CDCP1: variants seen among roughly 807,000 people sequenced by gnomAD.
CDCP1 encodes the protein CUB domain-containing protein 1.
CDCP1 carries 29 observed loss-of-function variants against 60.2 expected under a neutral mutation model. That is an observed-to-expected ratio of 0.48 (90% CI 0.36 to 0.66). The LOEUF is 0.66. Ranked by LOEUF, CDCP1 falls within the 30% of genes least tolerant of loss-of-function variation. The pLI, the probability that CDCP1 is intolerant of heterozygous loss-of-function variation, is 0.00. For missense variants in CDCP1, 876 were observed against 1,074.3 expected, an observed-to-expected ratio of 0.82 and a Z score of 2.58; for synonymous variants, 387 against 431.1, an observed-to-expected ratio of 0.90 and a Z score of 1.27.
intron 4 of CDCP1, among the ~76,000 whole-genome samples, chr3:45,098,639 C>CA (rs1698440981): frequency 6.6e-6 from 1 of 151,376 alleles, no homozygotes; most frequent in South Asian, 2.1e-4. Flanking sequence ...AGCGAACACT[C>CA]ACACCACACA....
intron 1 of CDCP1, among the ~76,000 whole-genome samples, 195 bp downstream of exon 1, chr3:45,146,011 A>T (rs1021333568): frequency 2.0e-5 from 3 of 151,756 alleles, no homozygotes; most frequent in African/African-American, 7.3e-5. Flanking sequence ...CACGCGCCCG[A>T]CGCGGCGCGC....
chr3:45,124,252 C>G (rs1463801604), intron 1 of CDCP1, among the ~76,000 whole-genome samples: 1 of 152,180 alleles, frequency 6.6e-6, no homozygotes, highest in Non-Finnish European at 1.5e-5. Context: ...GTGATAAACA[C>G]CGGAAGTCAT....
In CDCP1 at chr3:45,091,057, T is replaced by C. The variant is rs1301371771; in HGVS notation, c.1993+116A>G. ...CACTATTGATGCAATAGCTGACTGA[T>C]ACATGGACAGTCAGGACTCAATCTG... On this transcript the variant is annotated intron_variant, in intron 7 of 8. Coordinates refer to ENST00000296129, the MANE Select transcript of CDCP1 (RefSeq NM_022842.5). This position sits in a 1 kb window ranked among gnomAD's most constrained non-coding sequence, Gnocchi z 4.8. 5.3e-5 allele frequency: 60 copies of C among 1,142,578 alleles called. No individual in the cohort carries two copies. In the East Asian group the frequency reaches 6.4e-4, roughly 12 times the overall value. 70.8% of individuals were successfully genotyped at this position (1,142,578 alleles called of 1,614,324 possible). A position where few individuals can be genotyped will look rare whatever the true frequency, so the allele number is the denominator to read the frequency against.
chr3:45,146,388 A>C, upstream of CDCP1: 3 of 1,026,486 alleles, frequency 2.9e-6, no homozygotes, highest in Non-Finnish European at 2.7e-6. Flanking sequence ...TGGCTCACTC[A>C]CCTGCGCGCG....
rs201428545 is a variant in CDCP1, at chr3:45,118,564, C to T, written c.140G>A (p.Gly47Glu). Residue 47 changes from glycine (G) to glutamate (E), a missense_variant, in exon 2 of 9, where the codon GGG (glycine) becomes GAG (glutamate). Physicochemically the swap from Gly to Glu is moderately conservative, Grantham distance 98. Around this residue, in one of 2 missense-constraint regions of CDCP1, gnomAD observed 150 missense variants for 138.6 expected, o/e 1.08. Transcript: ENST00000296129. ...ESNITVLIKL[G>E]TPTLLAKPCY... ...GGGTTTTGCCAGCAGAGTCGGGGTCCCCAGCTTTATGAGAACTGTAATGTT... is the reference window on the plus strand; with the variant it reads ...GGGTTTTGCCAGCAGAGTCGGGGTCTCCAGCTTTATGAGAACTGTAATGTT... 4.1e-4 allele frequency: 661 copies of T among 1,614,078 alleles called. 11 individuals are homozygous for T. The South Asian group carries it at 7.0e-3, about 17-fold the overall frequency.
rs950250881 is a variant in CDCP1, at chr3:45,091,033, A to T, written c.1993+140T>A. On this transcript the variant is annotated intron_variant, in intron 7 of 8. Transcript: ENST00000296129. This position sits in a 1 kb window ranked among gnomAD's most constrained non-coding sequence, Gnocchi z 4.8. Reference sequence around the variant, plus strand: ...GTTCTGGGATGGTTTGTTACTCAGCACTATTGATGCAATAGCTGACTGATA... The same window carrying T: ...GTTCTGGGATGGTTTGTTACTCAGCTCTATTGATGCAATAGCTGACTGATA... 1.1e-6 allele frequency: 1 copy of T among 908,570 alleles called. No individual in the cohort carries two copies. The highest frequency in any genetic ancestry group is 1.7e-5 in the African/African-American group (1 of 60,024). 56.3% of individuals were successfully genotyped at this position (908,570 alleles called of 1,614,324 possible).
intron 3 of CDCP1, among the ~76,000 whole-genome samples, chr3:45,111,585 A>G (rs1698694434): frequency 6.6e-6 from 1 of 152,222 alleles, no homozygotes; most frequent in South Asian, 2.1e-4. Context: ...CTGAGGCAGA[A>G]GAATCGCTTG....
chr3:45,086,856 T>C (rs1698204314), intron 8 of CDCP1, among the ~76,000 whole-genome samples: 1 of 152,260 alleles, frequency 6.6e-6, no homozygotes, highest in South Asian at 2.1e-4. Context: ...GAATGCTGAC[T>C]TTTTAGCTGA....
chr3:45,126,108 C>CTTTCTTTCTTTCTTTCTTTCTTTCTT (rs1553610965), intron 1 of CDCP1, among the ~76,000 whole-genome samples: 6 of 110,010 alleles, frequency 5.5e-5, no homozygotes, highest in Admixed American at 9.7e-5. Flanking sequence ...TTGTCTCTCT[C>CTTTCTTTCTTTCTTTCTTTCTTTCTT]TCTTTCTTTC....
intron 1 of CDCP1, among the ~76,000 whole-genome samples, chr3:45,126,122 CTTTCTTTCT>C (rs1559398768): frequency 0.014 from 1,874 of 135,324 alleles, 59 homozygotes; most frequent in African/African-American, 0.048. Flanking sequence ...TTCTTTCTTT[CTTTCTTTCT>C]TTCTTTCTTT....
intron 4 of CDCP1, among the ~76,000 whole-genome samples, chr3:45,101,354 G>A (rs1018065512): frequency 3.3e-5 from 5 of 152,176 alleles, no homozygotes; most frequent in African/African-American, 1.2e-4. Flanking sequence ...CAATGAAGTC[G>A]ACATCTTCCT....
intron 1 of CDCP1, among the ~76,000 whole-genome samples, chr3:45,128,956 A>G (rs1699044343): frequency 6.6e-6 from 1 of 152,202 alleles, no homozygotes; most frequent in African/African-American, 2.4e-5. Flanking sequence ...ACCTCAGGTG[A>G]TACACCTGCC....
chr3:45,113,673 A>C (rs1300615821), intron 2 of CDCP1, among the ~76,000 whole-genome samples: 20 of 152,202 alleles, frequency 1.3e-4, no homozygotes, highest in Admixed American at 1.2e-3. Flanking sequence ...TTGGGCTGGC[A>C]CTTGCAGCAA....
At chr3:45,124,852 G>A (rs1489074398) in intron 1 of CDCP1, among the ~76,000 whole-genome samples, 1 of 152,156 alleles carries the variant, frequency 6.6e-6, no homozygotes, top group Non-Finnish European at 1.5e-5. Context: ...TCCACCCCAA[G>A]GGGACACACA....
intron 5 of CDCP1, among the ~76,000 whole-genome samples, chr3:45,094,423 C>T (rs868732229): frequency 2.6e-5 from 4 of 152,118 alleles, no homozygotes; most frequent in Middle Eastern, 3.4e-3. Context: ...GATGGGGTTT[C>T]GCCATGTTGG....
rs551610574 is a variant in CDCP1, at chr3:45,121,733, G to C, written c.83-3112C>G. Among the ~76,000 whole-genome samples the C allele has an allele frequency of 2.0e-5, 3 of 152,292 alleles. No homozygotes were observed. The East Asian group carries it at 5.8e-4, about 29-fold the overall frequency. On this transcript the variant is annotated intron_variant, in intron 1 of 8. Transcript: ENST00000296129. ...GCAGACCGTGCAGGGTGAGGGGACT[G>C]TTTTGTATCTTGACGATAGCAGTGA...
chr3:45,120,526 T>C (rs1005893799), intron 1 of CDCP1, among the ~76,000 whole-genome samples: 6 of 152,286 alleles, frequency 3.9e-5, no homozygotes, highest in Admixed American at 6.5e-5. Flanking sequence ...GACTATTACC[T>C]GAGTAAGTAG....
chr3:45,110,594 C>T lies in CDCP1; in HGVS notation c.903G>A (p.Gln301=), dbSNP rs1476730023. ...NPEVFKLEDK[Q]PGNMAGNFNL... is the part of the protein sequence containing the mutation. ...TGAAGTTCCCCGCCATGTTCCCAGG[C>T]TGCTTGTCCTCCAGCTTGAACACCT... The change falls in exon 4 of 9, where the codon CAG becomes CAA. Residue 301 remains glutamine (Q), a synonymous_variant. Transcript: ENST00000296129. The T allele has an allele frequency of 1.9e-6, 3 of 1,614,228 alleles. No individual in the cohort carries two copies. The highest frequency in any genetic ancestry group is 2.5e-6 in the Non-Finnish European group (3 of 1,180,042).
At chr3:45,106,853 A>C (rs1297623948) in intron 4 of CDCP1, among the ~76,000 whole-genome samples, 5 of 152,150 alleles carry the variant, frequency 3.3e-5, no homozygotes, top group African/African-American at 1.2e-4. Context: ...CACTCACAGG[A>C]GAAGCAAGGG....
Sources: allele counts gnomAD v4.1 joint callset (sites outside exome capture counted in the v4.1 genomes callset), GRCh38; gene constraint gnomAD v4.1.1; regional missense constraint gnomAD v4.1.1; non-coding constraint Gnocchi (gnomAD v3.1); transcripts MANE v1.5; gene names NCBI Gene and HGNC (gene_info 2026-07-23, HGNC 2026-07-21).